The following RBMS3 variants were observed in gnomAD, a reference collection of about 807,000 sequenced individuals.
RBMS3 encodes the protein RNA binding motif single stranded interacting protein 3.
RBMS3 carries 27 observed loss-of-function variants against 66.8 expected under a neutral mutation model. The ratio of observed to expected loss-of-function variants is 0.40; its 90% CI spans 0.30 to 0.56. The LOEUF is 0.56. RBMS3 is among the 20% of genes least tolerant of loss of function. RBMS3 has a pLI of 0.40. For missense variants in RBMS3, 513 were observed against 549.5 expected, an observed-to-expected ratio of 0.93 and a Z score of 0.66; for synonymous variants, 188 against 183.0, an observed-to-expected ratio of 1.03 and a Z score of -0.22.
In RBMS3 at chr3:29,928,217, C is replaced by T. The variant is rs1303309781; in HGVS notation, c.940-7869C>T. Among the ~76,000 whole-genome samples, 265 of 136,796 alleles carry T rather than the reference C, an allele frequency of 1.9e-3. 1 individual carries two copies. The highest frequency in any genetic ancestry group is 7.1e-3 in the African/African-American group (241 of 34,028). 89.7% of individuals were successfully genotyped at this position (136,796 alleles called of 152,430 possible). ...ATATATATATATATATATATACACA[C>T]ACACACACACACACACACATATATA... On this transcript the variant is annotated intron_variant, in intron 10 of 14. Coordinates refer to ENST00000383767, the MANE Select transcript of RBMS3 (RefSeq NM_001003793.3).
At chr3:29,833,859 AG>A (rs2058435905) in intron 6 of RBMS3, among the ~76,000 whole-genome samples, 1 of 152,148 alleles carries the variant, frequency 6.6e-6, no homozygotes, top group South Asian at 2.1e-4. Context: ...ACTTCCCCAA[AG>A]AAGACTCACT....
chr3:29,691,374 C>A (rs1043100850), intron 4 of RBMS3, among the ~76,000 whole-genome samples: 1 of 152,174 alleles, frequency 6.6e-6, no homozygotes, highest in Non-Finnish European at 1.5e-5. Flanking sequence ...AACTTTCCTT[C>A]ATGGTAAGAT....
At chr3:29,772,330 G>T (rs975057797) in intron 6 of RBMS3, among the ~76,000 whole-genome samples, 1 of 151,922 alleles carries the variant, frequency 6.6e-6, no homozygotes, top group East Asian at 1.9e-4. Flanking sequence ...TAGCAACAAC[G>T]GAAAGCTAAT....
intron 3 of RBMS3, among the ~76,000 whole-genome samples, chr3:29,533,379 G>A (rs2045436098): frequency 6.6e-6 from 1 of 152,170 alleles, no homozygotes; most frequent in African/African-American, 2.4e-5. Flanking sequence ...CTACTTGGGA[G>A]GCTGATGTGG....
At chr3:29,670,833 A>G (rs1462345610) in intron 4 of RBMS3, among the ~76,000 whole-genome samples, 4 of 152,220 alleles carry the variant, frequency 2.6e-5, no homozygotes, top group Non-Finnish European at 4.4e-5. Context: ...GGCAGGGCAT[A>G]GCTGAACAAA....
intron 1 of RBMS3, among the ~76,000 whole-genome samples, chr3:29,369,557 G>A (rs916004545): frequency 1.3e-5 from 2 of 150,956 alleles, no homozygotes; most frequent in East Asian, 3.9e-4. Context: ...GAGGAGGAGA[G>A]AGGGAACAAT....
intron 1 of RBMS3, among the ~76,000 whole-genome samples, chr3:29,315,832 G>A (rs2034640487): frequency 6.6e-6 from 1 of 151,636 alleles, no homozygotes; most frequent in African/African-American, 2.4e-5. Flanking sequence ...TATAGATCAG[G>A]CTAAATGCAT....
chr3:29,463,582 A>T (rs1291358281), intron 2 of RBMS3, among the ~76,000 whole-genome samples: 2 of 151,006 alleles, frequency 1.3e-5, no homozygotes. Flanking sequence ...TCAAGATATC[A>T]GAATACTAGG....
chr3:29,820,188 C>CAAAAAAAAAAAAAAAAAAAAAAAAA (rs71091078), intron 6 of RBMS3, among the ~76,000 whole-genome samples: 2 of 69,820 alleles, frequency 2.9e-5, no homozygotes, highest in East Asian at 6.6e-4. Context: ...GACTTCTTCT[C>CAAAAAAAAAAAAAAAAAAAAAAAAA]AAAAAAAAAA....
At chr3:29,400,771 G>A (rs1008717751) in intron 1 of RBMS3, among the ~76,000 whole-genome samples, 1 of 151,984 alleles carries the variant, frequency 6.6e-6, no homozygotes, top group Non-Finnish European at 1.5e-5. Flanking sequence ...CTTGATAGAT[G>A]TTTTCAAGTT....
At chr3:29,486,437 G>T (rs2043320988) in intron 2 of RBMS3, among the ~76,000 whole-genome samples, 1 of 152,110 alleles carries the variant, frequency 6.6e-6, no homozygotes, top group Non-Finnish European at 1.5e-5. Flanking sequence ...GGAAAGTCTG[G>T]CCTAGAGAGT....
intron 1 of RBMS3, among the ~76,000 whole-genome samples, chr3:29,376,779 G>A (rs539848619): frequency 1.1e-4 from 17 of 152,258 alleles, no homozygotes; most frequent in African/African-American, 2.4e-4. Context: ...GGTGGCGGGC[G>A]CCTGTAGTCC....
intron 3 of RBMS3, among the ~76,000 whole-genome samples, chr3:29,521,421 G>A (rs570657155): frequency 9.2e-5 from 14 of 152,166 alleles, no homozygotes; most frequent in East Asian, 3.9e-4. Context: ...TTGCTTTCTC[G>A]TATTGGGCTT....
intron 4 of RBMS3, among the ~76,000 whole-genome samples, chr3:29,685,796 A>G (rs2051705684): frequency 1.3e-5 from 2 of 152,210 alleles, no homozygotes; most frequent in Non-Finnish European, 2.9e-5. Flanking sequence ...TAAGAACTTC[A>G]GTACCTTGCC....
Position 29,442,030 on chromosome 3 carries a change from G to A in RBMS3, c.248+7115G>A, listed in dbSNP as rs147877345. Among the ~76,000 whole-genome samples the A allele has an allele frequency of 1.6e-3, 251 of 152,268 alleles. 4 individuals carry two copies. Among genetic ancestry groups the A allele is most frequent in the African/African-American group, 5.8e-3 (242 of 41,552 alleles). On this transcript the variant is annotated intron_variant, in intron 2 of 14. Transcript: ENST00000383767. Reference sequence around the variant, plus strand: ...CATGGATAATAAAGCCCTGGAATATGCCTCTAGAAGTGTTTTCAAGGATGT... The same window carrying A: ...CATGGATAATAAAGCCCTGGAATATACCTCTAGAAGTGTTTTCAAGGATGT...
chr3:29,847,665 TA>T (rs2058817366), intron 6 of RBMS3, among the ~76,000 whole-genome samples: 1 of 151,976 alleles, frequency 6.6e-6, no homozygotes, highest in African/African-American at 2.4e-5. Context: ...TTTTATTTTT[TA>T]TTTTTTTGAG....
chr3:29,350,271 C>A (rs2036833288), intron 1 of RBMS3, among the ~76,000 whole-genome samples: 1 of 151,660 alleles, frequency 6.6e-6, no homozygotes, highest in South Asian at 2.1e-4. Context: ...GATGACTGTT[C>A]CTGCTAGTTA....
intron 7 of RBMS3, among the ~76,000 whole-genome samples, chr3:29,878,050 C>T (rs1332290984): frequency 1.3e-5 from 2 of 152,086 alleles, no homozygotes; most frequent in East Asian, 3.9e-4. Context: ...CAGGGTGAAG[C>T]TCTTCCACCT....
chr3:29,297,988 C>G (rs2033397835), intron 1 of RBMS3, among the ~76,000 whole-genome samples: 2 of 151,796 alleles, frequency 1.3e-5, no homozygotes, highest in South Asian at 4.1e-4. Context: ...ATTGAGCTTT[C>G]AAATATCTTC....
Sources: allele counts gnomAD v4.1 joint callset (sites outside exome capture counted in the v4.1 genomes callset), GRCh38; gene constraint gnomAD v4.1.1; transcripts MANE v1.5; gene names NCBI Gene and HGNC (gene_info 2026-07-23, HGNC 2026-07-21).